The following KCNK9 variants were observed in gnomAD, a reference collection of about 807,000 sequenced individuals.
The protein encoded by KCNK9 is potassium channel subfamily K member 9.
A neutral mutation model predicts 10.8 loss-of-function variants in KCNK9; 1 was observed. The observed-to-expected ratio is 0.09, with a 90% confidence interval of 0.03 to 0.44. KCNK9 has a LOEUF of 0.44. KCNK9 is among the 20% of genes least tolerant of loss of function. The pLI, the probability that KCNK9 is intolerant of heterozygous loss-of-function variation, is 0.97. For synonymous variants in KCNK9, 231 were observed against 222.7 expected, an observed-to-expected ratio of 1.04 and a Z score of -0.33; for missense variants, 303 against 515.0, an observed-to-expected ratio of 0.59 and a Z score of 3.98.
At position 139,617,547 on chromosome 8, in the gene KCNK9, T is replaced by C. The variant is rs1814636403; in HGVS notation, c.*711A>G. ...CACCCGCCCCTAAAAAACATTAATA[T>C]AATTTAGAACCTAGCATTTAGAAAA... On this transcript the variant is annotated 3_prime_UTR_variant, in exon 2 of 2. Transcript: ENST00000520439. 6.6e-6 allele frequency among the ~76,000 whole-genome samples: 1 copy of C among 152,144 alleles called. No homozygotes were observed. The highest frequency in any genetic ancestry group is 1.5e-5 in the Non-Finnish European group (1 of 68,024).
chr8:139,621,342 T>C (rs1814773255), intron 1 of KCNK9, among the ~76,000 whole-genome samples: 1 of 149,762 alleles, frequency 6.7e-6, no homozygotes, highest in South Asian at 2.1e-4. Context: ...ACTTATAGAT[T>C]CAAGAAATTC....
intron 1 of KCNK9, among the ~76,000 whole-genome samples, chr8:139,701,842 C>T (rs1817227410): frequency 6.6e-6 from 1 of 152,212 alleles, no homozygotes; most frequent in African/African-American, 2.4e-5. Context: ...CCCTCGGGAC[C>T]GACCAGAGAC....
rs763128147 is a variant in KCNK9, at chr8:139,618,603, C to A, written c.780G>T (p.Glu260Asp). 1.9e-6 allele frequency: 3 copies of A among 1,614,028 alleles called. No individual in the cohort carries two copies. The highest frequency in any genetic ancestry group is 1.1e-5 in the South Asian group (1 of 91,088). ...TGCGGTTTCCGGCGAGGGATGCCCT[C>A]TCTTCAGCATCCCGCCGCTCATCCT... Reference protein sequence around the residue: ...NSEDERRDAEERASLAGNRNS... With the variant: ...NSEDERRDAEDRASLAGNRNS... The change falls in exon 2 of 2, where the codon GAG becomes GAT. Residue 260 changes from glutamate to aspartate, a missense_variant. By Grantham distance (45) the Glu-to-Asp change is conservative. Around this residue, in one of 5 missense-constraint regions of KCNK9, gnomAD observed 138 missense variants for 161.1 expected, o/e 0.86. Transcript: ENST00000520439. This position sits in a 1 kb window ranked among gnomAD's most constrained non-coding sequence, Gnocchi z 7.9.
intron 1 of KCNK9, among the ~76,000 whole-genome samples, chr8:139,644,352 T>C (rs993677890): frequency 2.6e-5 from 4 of 152,214 alleles, no homozygotes; most frequent in Non-Finnish European, 5.9e-5. Context: ...TCCTCTTCTA[T>C]TATCTGATTC....
intron 1 of KCNK9, among the ~76,000 whole-genome samples, chr8:139,641,547 GT>G (rs1174567158): frequency 1.3e-5 from 2 of 152,156 alleles, no homozygotes; most frequent in East Asian, 3.9e-4. Flanking sequence ...GGAGCCTGCT[GT>G]CACATGCCCA....
intron 1 of KCNK9, among the ~76,000 whole-genome samples, chr8:139,638,073 G>A (rs1815393419): frequency 6.6e-6 from 1 of 151,862 alleles, no homozygotes; most frequent in Non-Finnish European, 1.5e-5. Flanking sequence ...AAGAGAACAG[G>A]AAGTATGTTA....
chr8:139,639,495 G>T (rs1269919961), intron 1 of KCNK9, among the ~76,000 whole-genome samples: 1 of 152,222 alleles, frequency 6.6e-6, no homozygotes, highest in Non-Finnish European at 1.5e-5. Context: ...CACAGCTGGA[G>T]AAAGTCCCCT....
chr8:139,623,543 C>A (rs1002057740), intron 1 of KCNK9, among the ~76,000 whole-genome samples: 1 of 152,092 alleles, frequency 6.6e-6, no homozygotes, highest in Admixed American at 6.5e-5. Flanking sequence ...CAGGTGACCC[C>A]TAGGCTGTCT....
chr8:139,624,985 A>C (rs1814919970), intron 1 of KCNK9, among the ~76,000 whole-genome samples: 1 of 152,092 alleles, frequency 6.6e-6, no homozygotes, highest in Admixed American at 6.5e-5. Flanking sequence ...GGACCCCTCT[A>C]CTTCCTCATC....
intron 1 of KCNK9, among the ~76,000 whole-genome samples, chr8:139,651,863 G>A (rs953868317): frequency 1.3e-5 from 2 of 152,268 alleles, no homozygotes; most frequent in Middle Eastern, 6.8e-3. Context: ...TGCTCTAAGG[G>A]ACTCTTTGAT....
intron 1 of KCNK9, among the ~76,000 whole-genome samples, chr8:139,644,061 G>A (rs749304638): frequency 6.6e-6 from 1 of 152,206 alleles, no homozygotes; most frequent in Non-Finnish European, 1.5e-5. Flanking sequence ...CTATAACTCT[G>A]GTTTGATTAC....
intron 1 of KCNK9, among the ~76,000 whole-genome samples, chr8:139,689,613 C>T (rs114452084): frequency 3.4e-4 from 51 of 151,090 alleles, no homozygotes; most frequent in African/African-American, 1.2e-3. Context: ...TCGTCACTTG[C>T]ATTTGCTGCT....
intron 1 of KCNK9, among the ~76,000 whole-genome samples, chr8:139,649,715 C>G (rs1361180074): frequency 1.3e-5 from 2 of 152,232 alleles, no homozygotes; most frequent in Non-Finnish European, 2.9e-5. Flanking sequence ...CCCATCCCAG[C>G]CCTATCAATT....
At chr8:139,644,127 T>G (rs1815595498) in intron 1 of KCNK9, among the ~76,000 whole-genome samples, 1 of 152,246 alleles carries the variant, frequency 6.6e-6, no homozygotes, top group African/African-American at 2.4e-5. Context: ...CCAGGCACTG[T>G]GGGATGTAGG....
intron 1 of KCNK9, among the ~76,000 whole-genome samples, chr8:139,690,237 A>C (rs576814704): frequency 6.6e-6 from 1 of 152,350 alleles, no homozygotes; most frequent in South Asian, 2.1e-4. Flanking sequence ...ACCCTGGGCA[A>C]GTTGCTTAGT....
chr8:139,610,883 G>A (rs1321808828), downstream of KCNK9, among the ~76,000 whole-genome samples: 2 of 152,240 alleles, frequency 1.3e-5, no homozygotes, highest in African/African-American at 4.8e-5. Flanking sequence ...TCTCCCAAGA[G>A]TGGCAGGATT....
chr8:139,620,919 G>C (rs534040847), intron 1 of KCNK9, among the ~76,000 whole-genome samples: 1 of 152,194 alleles, frequency 6.6e-6, no homozygotes, highest in Non-Finnish European at 1.5e-5. Flanking sequence ...GGGGGGAGCT[G>C]TAGGGCAATA....
intron 1 of KCNK9, among the ~76,000 whole-genome samples, chr8:139,666,062 C>T (rs1816291469): frequency 6.6e-6 from 1 of 152,234 alleles, no homozygotes; most frequent in South Asian, 2.1e-4. Flanking sequence ...AAGGGAAGAA[C>T]TTGGGTCCCA....
Position 139,634,457 on chromosome 8 carries a change from C to T in KCNK9, c.284-15358G>A, listed in dbSNP as rs375134153. Among the ~76,000 whole-genome samples the T allele has an allele frequency of 2.4e-4, 36 of 152,306 alleles. No individual in the cohort carries two copies. In the East Asian group the frequency reaches 5.8e-3, roughly 25 times the overall value. On this transcript the variant is annotated intron_variant, in intron 1 of 1. Coordinates refer to ENST00000520439, the MANE Select transcript of KCNK9 (RefSeq NM_001282534.2). ...CCTGGAGCCCCCACTGCCCTCAATC[C>T]GCAGGTCCACTGGTGCTGGCCCTGC...
Sources: gnomAD v4.1 joint callset for allele counts (sites outside exome capture counted in the v4.1 genomes callset) on GRCh38, gnomAD v4.1.1 for gene constraint, gnomAD v4.1.1 regional missense constraint, Gnocchi (gnomAD v3.1) non-coding constraint, MANE v1.5 for transcripts, NCBI Gene and HGNC (gene_info 2026-07-23, HGNC 2026-07-21) for gene names.